LTF: variants seen among roughly 807,000 people sequenced by gnomAD.
The protein encoded by LTF is lactotransferrin, also known as epididymis luminal protein 110.
LTF carries 91 observed loss-of-function variants against 87.2 expected under a neutral mutation model. The observed-to-expected ratio is 1.04, with a 90% CI of 0.88 to 1.24. LTF has a LOEUF of 1.24. Among genes scored for constraint, LTF ranks in the 50% most tolerant of loss-of-function variants. The pLI is 0.00. For synonymous variants in LTF, 378 were observed against 356.1 expected (o/e 1.06, Z -0.69); for missense variants, 901 against 904.3 (o/e 1.00, Z 0.05).
chr3:46,446,360 T>G, intron 11 of LTF, 80 bp downstream of exon 11: 1 of 1,229,134 alleles, frequency 8.1e-7, no homozygotes, highest in South Asian at 1.3e-5. Context: ...TTCTTTCTGT[T>G]TTTTTTACAG....
intron 6 of LTF, among the ~76,000 whole-genome samples, chr3:46,452,567 G>A (rs1005768665): frequency 3.3e-5 from 5 of 152,138 alleles, no homozygotes; most frequent in African/African-American, 1.2e-4. Context: ...AGGGGAGAGG[G>A]AGCTCTCTCT....
chr3:46,480,831 G>C (rs1353667526), intron 1 of LTF, among the ~76,000 whole-genome samples: 1 of 152,168 alleles, frequency 6.6e-6, no homozygotes, highest in African/African-American at 2.4e-5. Flanking sequence ...ACCTAGGAGA[G>C]AAGTCTCAAG....
At position 46,449,919 on chromosome 3, in the gene LTF, G is replaced by A. The variant is rs772852023; in HGVS notation, c.992C>T (p.Pro331Leu). 2.4e-5 allele frequency: 39 copies of A among 1,613,964 alleles called. No homozygotes were observed. The highest frequency in any genetic ancestry group is 1.3e-4 in the East Asian group (6 of 44,886). ...DSAIGFSRVPPRIDSGLYLGS... is the reference protein window; with the variant it reads ...DSAIGFSRVPLRIDSGLYLGS... ...AAGGTACAGCCCAGAATCTATCCTCGGGGGCACCCTCGAAAACCCAATGGC... is the reference window on the plus strand; with the variant it reads ...AAGGTACAGCCCAGAATCTATCCTCAGGGGCACCCTCGAAAACCCAATGGC... Residue 331 changes from proline (P) to leucine (L), a missense_variant, in exon 8 of 17, where the codon CCG becomes CTG. Pro to Leu is a moderately conservative substitution (Grantham distance 98). Coordinates refer to ENST00000231751, the MANE Select transcript of LTF (RefSeq NM_002343.6).
At chr3:46,458,135 G>A (rs916105230) in intron 2 of LTF, among the ~76,000 whole-genome samples, 5 of 152,068 alleles carry the variant, frequency 3.3e-5, no homozygotes, top group South Asian at 2.1e-4. Flanking sequence ...CAGAGCTGGC[G>A]CATATTCATT....
chr3:46,435,998 C>T lies in LTF; in HGVS notation c.*197G>A, dbSNP rs1559588744. ...ATAAAATTCTAGAAAAGATGAGTGACACTTTATAAGGAGAGAATATCAACA... is the reference window on the plus strand; with the variant it reads ...ATAAAATTCTAGAAAAGATGAGTGATACTTTATAAGGAGAGAATATCAACA... On this transcript the variant is annotated 3_prime_UTR_variant, in exon 17 of 17. Transcript: ENST00000231751. 1 of 594,958 alleles carries T rather than the reference C, an allele frequency of 1.7e-6. No homozygotes were observed. Among genetic ancestry groups the T allele is most frequent in the Non-Finnish European group, 3.0e-6 (1 of 333,102 alleles). The allele number at this position is 594,958 out of a possible 1,614,324, so 36.9% of individuals were successfully genotyped here.
chr3:46,446,384 C>T (rs759576922), intron 11 of LTF, 56 bp downstream of exon 11: 3 of 1,462,202 alleles, frequency 2.1e-6, no homozygotes, highest in Admixed American at 3.5e-5. Flanking sequence ...CTGCCACTTC[C>T]TCTTCCAGCA....
chr3:46,452,159 A>T (rs1702818222), intron 6 of LTF, among the ~76,000 whole-genome samples: 1 of 152,228 alleles, frequency 6.6e-6, no homozygotes. Flanking sequence ...TAATAAAACT[A>T]CTCAGAGGAG....
At chr3:46,440,538 G>A (rs553325488) in intron 14 of LTF, among the ~76,000 whole-genome samples, 6 of 152,236 alleles carry the variant, frequency 3.9e-5, no homozygotes, top group African/African-American at 9.6e-5. Flanking sequence ...TCATTGTTCC[G>A]GCTCCCGTTT....
intron 1 of LTF, among the ~76,000 whole-genome samples, chr3:46,476,961 C>A (rs1703367231): frequency 6.6e-6 from 1 of 152,204 alleles, no homozygotes; most frequent in South Asian, 2.1e-4. Flanking sequence ...TTGGTCGTTT[C>A]TAACTTGGGG....
At chr3:46,439,509 C>G in intron 14 of LTF, 29 bp from the exon 15 acceptor site, 1 of 1,571,022 alleles carries the variant, frequency 6.4e-7, no homozygotes, top group Non-Finnish European at 8.7e-7. Flanking sequence ...TGGCATCATC[C>G]ACGCCTCCCC....
At position 46,448,965 on chromosome 3, in the gene LTF, G is replaced by T. The variant is rs61737000; in HGVS notation, c.1110C>A (p.Gly370=). ...GGTTACACTTGCGCAGCTCCTGCTC[G>T]CCCACCGCACACCACACGACCCGCG... ...RRARVVWCAV[G]EQELRKCNQW... The change falls in exon 9 of 17, where the codon GGC becomes GGA. Residue 370 remains glycine, a synonymous_variant. Transcript: ENST00000231751. 6.2e-6 allele frequency: 10 copies of T among 1,613,092 alleles called. No homozygotes were observed. Among genetic ancestry groups the T allele is most frequent in the African/African-American group, 1.3e-5 (1 of 74,810 alleles).
intron 14 of LTF, 150 bp downstream of exon 14, chr3:46,441,266 T>A (rs1253220193): frequency 3.3e-6 from 2 of 605,266 alleles, no homozygotes; most frequent in Middle Eastern, 2.6e-4. Context: ...TGTTATCATG[T>A]TGTCTATTGA....
intron 1 of LTF, among the ~76,000 whole-genome samples, chr3:46,482,656 GAAA>G (rs1174935870): frequency 8.7e-4 from 76 of 87,578 alleles, no homozygotes; most frequent in African/African-American, 1.2e-3. Context: ...AAGAAAGAAA[GAAA>G]GAAGGAAGGA....
At position 46,446,460 on chromosome 3, in the gene LTF, C is replaced by T; in HGVS notation, c.1337G>A (p.Cys446Tyr). ...CTCACCTTCCACAGGTCTATCCACACAGTTAGGATCAGGGTCACTGCTTTG... is the reference window on the plus strand; with the variant it reads ...CTCACCTTCCACAGGTCTATCCACATAGTTAGGATCAGGGTCACTGCTTTG... ...SQQSSDPDPNCVDRPVEGYLA... is the reference protein window; with the variant it reads ...SQQSSDPDPNYVDRPVEGYLA... Residue 446 changes from cysteine (C) to tyrosine (Y), a missense_variant, in exon 11 of 17, where the codon TGT (cysteine) becomes TAT (tyrosine). Cys to Tyr is a radical substitution (Grantham distance 194). Transcript: ENST00000231751. 1 of 1,613,916 alleles carries T rather than the reference C, an allele frequency of 6.2e-7. No homozygotes were observed. Among genetic ancestry groups the T allele is most frequent in the Non-Finnish European group, 8.5e-7 (1 of 1,179,916 alleles).
At chr3:46,482,652 GAAAGAAA>G (rs1559614806) in intron 1 of LTF, among the ~76,000 whole-genome samples, 130 of 99,804 alleles carry the variant, frequency 1.3e-3, no homozygotes, top group Non-Finnish European at 1.5e-3. Flanking sequence ...AAGAAAGAAA[GAAAGAAA>G]GAAGGAAGGA....
At position 46,450,454 on chromosome 3, in the gene LTF, C is replaced by A. The variant is rs749566206; in HGVS notation, c.882+41G>T. ...AAGTAAGAAACCTTGCTCCCTGCCCCCCATATCCAAGCAAGTGGGGAGGAC... is the reference window on the plus strand; with the variant it reads ...AAGTAAGAAACCTTGCTCCCTGCCCACCATATCCAAGCAAGTGGGGAGGAC... On this transcript the variant is annotated intron_variant, in intron 7 of 16. Transcript: ENST00000231751. 4.5e-6 allele frequency: 7 copies of A among 1,570,746 alleles called. No homozygotes were observed. The African/African-American group carries it at 9.4e-5, about 21-fold the overall frequency.
chr3:46,464,965 T>A (rs1168939541), upstream of LTF: 37 of 1,197,628 alleles, frequency 3.1e-5, no homozygotes, highest in Non-Finnish European at 4.5e-5. Context: ...TGTTGCCCAA[T>A]AGACACCCCT....
chr3:46,443,702 A>G (rs1487493188), intron 12 of LTF, 120 bp from the exon 13 acceptor site: 1 of 885,376 alleles, frequency 1.1e-6, no homozygotes, highest in African/African-American at 1.6e-5. Context: ...AGCAATCTAG[A>G]TAGAACACAC....
chr3:46,457,894 C>T (rs1042704661), intron 2 of LTF, among the ~76,000 whole-genome samples: 35 of 152,272 alleles, frequency 2.3e-4, no homozygotes, highest in Admixed American at 1.4e-3. Flanking sequence ...TCTCTTGCCT[C>T]AGCCTCCTGA....
Sources: gnomAD v4.1 joint callset for allele counts (sites outside exome capture counted in the v4.1 genomes callset) on GRCh38, gnomAD v4.1.1 for gene constraint, MANE v1.5 for transcripts, NCBI Gene and HGNC (gene_info 2026-07-23, HGNC 2026-07-21) for gene names.